MAN1A1: variants seen among roughly 807,000 people sequenced by gnomAD.
MAN1A1 encodes mannosidase alpha class 1A member 1, also known as mannosyl-oligosaccharide 1,2-alpha-mannosidase IA.
Under a neutral mutation model 70.8 loss-of-function variants are expected in MAN1A1, and 29 were observed. That is an observed-to-expected ratio of 0.41 (90% CI 0.31 to 0.56). The LOEUF (loss-of-function observed/expected upper bound fraction) is 0.56, where lower values mean the gene tolerates loss of function less well. MAN1A1 is among the 20% of genes least tolerant of loss of function. The pLI is 0.29. For synonymous variants in MAN1A1, 349 were observed against 330.1 expected (o/e 1.06, Z -0.62); for missense variants, 747 against 841.3 (o/e 0.89, Z 1.39).
chr6:119,255,481 G>GT (rs1293883400), intron 5 of MAN1A1, among the ~76,000 whole-genome samples: 1 of 152,180 alleles, frequency 6.6e-6, no homozygotes, highest in Non-Finnish European at 1.5e-5. Flanking sequence ...CACTAAACCA[G>GT]TAAGTACTTA....
intron 6 of MAN1A1, among the ~76,000 whole-genome samples, chr6:119,206,283 T>C (rs902231690): frequency 1.3e-5 from 2 of 152,172 alleles, no homozygotes; most frequent in Non-Finnish European, 2.9e-5. Flanking sequence ...CTTTCTAAGG[T>C]AGACCCCATC....
chr6:119,283,666 T>C (rs935477146), intron 5 of MAN1A1, among the ~76,000 whole-genome samples: 1 of 151,968 alleles, frequency 6.6e-6, no homozygotes, highest in African/African-American at 2.4e-5. Context: ...GTAGAAGGAA[T>C]GCAGATTTAA....
intron 6 of MAN1A1, among the ~76,000 whole-genome samples, chr6:119,239,184 TG>T (rs1774936023): frequency 6.6e-6 from 1 of 152,224 alleles, no homozygotes; most frequent in African/African-American, 2.4e-5. Flanking sequence ...GGCCTGAAAC[TG>T]GGTCTATTAT....
At chr6:119,309,662 C>T (rs960361997) in intron 2 of MAN1A1, among the ~76,000 whole-genome samples, 1 of 152,088 alleles carries the variant, frequency 6.6e-6, no homozygotes, top group African/African-American at 2.4e-5. Flanking sequence ...AAAAGATAAA[C>T]TGAAAGCAAG....
chr6:119,239,727 T>C (rs1248370773), intron 6 of MAN1A1, among the ~76,000 whole-genome samples: 2 of 152,254 alleles, frequency 1.3e-5, no homozygotes, highest in Admixed American at 6.5e-5. Flanking sequence ...AAGACCAGTT[T>C]TGAGATTAAT....
intron 3 of MAN1A1, among the ~76,000 whole-genome samples, chr6:119,302,635 C>T (rs572515670): frequency 5.9e-5 from 9 of 152,192 alleles, no homozygotes; most frequent in Admixed American, 4.6e-4. Context: ...CCACCTAGGC[C>T]TCCCAAAGTG....
At chr6:119,185,204 G>C (rs994210392) in intron 11 of MAN1A1, among the ~76,000 whole-genome samples, 1 of 151,852 alleles carries the variant, frequency 6.6e-6, no homozygotes, top group Non-Finnish European at 1.5e-5. Flanking sequence ...ACATTTTTGA[G>C]AAAAAGCAAA....
intron 4 of MAN1A1, among the ~76,000 whole-genome samples, chr6:119,300,245 G>A (rs182680622): frequency 6.6e-6 from 1 of 150,926 alleles, no homozygotes; most frequent in African/African-American, 2.4e-5. Flanking sequence ...AAGTTTTTTT[G>A]TTTTGTTTTG....
rs1266890057 is a variant in MAN1A1, at chr6:119,348,565, C to T, written c.501G>A (p.Pro167=). The T allele has an allele frequency of 6.2e-7, 1 of 1,613,750 alleles. No homozygotes were observed. Residue 167 remains proline, a synonymous_variant, in exon 2 of 13, where the codon CCG becomes CCA. Coordinates refer to ENST00000368468, the MANE Select transcript of MAN1A1 (RefSeq NM_005907.4). ...VAQDQLRDKA[P]FRGLPPVDFV... Reference sequence around the variant, plus strand: ...AGTCCACCGGGGGCAGGCCTCTGAACGGCGCCTTGTCACGCAGCTGGTCCT... The same window carrying T: ...AGTCCACCGGGGGCAGGCCTCTGAATGGCGCCTTGTCACGCAGCTGGTCCT...
chr6:119,184,589 G>A (rs1289129700), intron 11 of MAN1A1, among the ~76,000 whole-genome samples: 1 of 152,050 alleles, frequency 6.6e-6, no homozygotes, highest in East Asian at 1.9e-4. Context: ...GGCAGGAGTA[G>A]GAAGGAGGAA....
At chr6:119,339,791 CT>C (rs1410891833) in intron 2 of MAN1A1, among the ~76,000 whole-genome samples, 17 of 152,220 alleles carry the variant, frequency 1.1e-4, no homozygotes, top group Middle Eastern at 3.4e-3. Flanking sequence ...TAAAGCAAGC[CT>C]TTAAGAATCA....
At chr6:119,238,916 A>G (rs561380281) in intron 6 of MAN1A1, among the ~76,000 whole-genome samples, 4 of 151,990 alleles carry the variant, frequency 2.6e-5, no homozygotes, top group Non-Finnish European at 4.4e-5. Context: ...TTTGAGACGG[A>G]GTGTTGTTCT....
At position 119,177,674 on chromosome 6, in the gene MAN1A1, G is replaced by A. The variant is rs1267323351; in HGVS notation, c.*2145C>T. On this transcript the variant is annotated 3_prime_UTR_variant, in exon 13 of 13. Coordinates refer to ENST00000368468, the MANE Select transcript of MAN1A1 (RefSeq NM_005907.4). ...ATCTTGTTTACATTTTTGGTGTTTT[G>A]GGACTTTTGTTAAAAAAAAATCCAA... 3.3e-5 allele frequency: 5 copies of A among 151,244 alleles called. No homozygotes were observed. The highest frequency in any genetic ancestry group is 1.9e-4 in the East Asian group (1 of 5,154). The allele number at this position is 151,244 out of a possible 1,614,324, so 9.4% of individuals were successfully genotyped here.
chr6:119,322,592 G>A (rs1442207427), intron 2 of MAN1A1, among the ~76,000 whole-genome samples: 16 of 151,972 alleles, frequency 1.1e-4, no homozygotes, highest in Admixed American at 1.0e-3. Flanking sequence ...GCTACTACTC[G>A]GCCAGTCCTA....
At chr6:119,344,806 T>C (rs946403293) in intron 2 of MAN1A1, among the ~76,000 whole-genome samples, 1 of 152,236 alleles carries the variant, frequency 6.6e-6, no homozygotes, top group African/African-American at 2.4e-5. Flanking sequence ...ATAATAAATG[T>C]GAATTTTAAC....
intron 6 of MAN1A1, among the ~76,000 whole-genome samples, chr6:119,233,936 CT>C (rs1169759547): frequency 2.6e-4 from 39 of 152,212 alleles, no homozygotes. Context: ...TTGTAAAGAG[CT>C]GGACAGTGAC....
At chr6:119,319,795 C>T (rs1284399660) in intron 2 of MAN1A1, among the ~76,000 whole-genome samples, 1 of 152,178 alleles carries the variant, frequency 6.6e-6, no homozygotes, top group East Asian at 1.9e-4. Flanking sequence ...GGCCTCTTCA[C>T]AGCTAGAAGT....
rs78245080 is a variant in MAN1A1, at chr6:119,193,840, C to T, written c.1263G>A (p.Lys421=). ...LGDSFYEYLL[K]AWLMSDKTDL... is the part of the protein sequence containing the mutation. ...CTGTCTTGTCAGACATTAACCAGGC[C>T]TTCAGCAAATACTCATAGAAGCTGT... Residue 421 remains lysine, a synonymous_variant, in exon 9 of 13, where the codon AAG becomes AAA. Transcript: ENST00000368468. The T allele has an allele frequency of 1.3e-3, 2,112 of 1,613,716 alleles. 22 individuals are homozygous for T. The East Asian group carries it at 0.013, about 10-fold the overall frequency.
chr6:119,345,596 G>A (rs773645283), intron 2 of MAN1A1, among the ~76,000 whole-genome samples: 5 of 152,088 alleles, frequency 3.3e-5, no homozygotes, highest in South Asian at 2.1e-4. Flanking sequence ...CCTAAGACAC[G>A]AAGTTGTTAA....
Sources: allele counts gnomAD v4.1 joint callset (sites outside exome capture counted in the v4.1 genomes callset), GRCh38; gene constraint gnomAD v4.1.1; transcripts MANE v1.5; gene names NCBI Gene and HGNC (gene_info 2026-07-23, HGNC 2026-07-21).